The following RIC1 variants were observed in gnomAD, a reference collection of about 807,000 sequenced individuals.
The protein encoded by RIC1 is RIC1 partner of RAB6A GEF complex.
RIC1 carries 88 observed loss-of-function variants against 169.0 expected under a neutral mutation model. The observed-to-expected ratio is 0.52, with a 90% CI of 0.44 to 0.62. RIC1 has a LOEUF of 0.62. Among genes scored for constraint, RIC1 ranks in the 20% least tolerant of loss-of-function variants. The pLI is 0.00. For missense variants in RIC1, 1,877 were observed against 1,725.5 expected (o/e 1.09, Z -1.56); for synonymous variants, 790 against 601.5 (o/e 1.31, Z -4.59).
At position 5,687,748 on chromosome 9, in the gene RIC1, C is replaced by T. The variant is rs150165749; in HGVS notation, c.253-2211C>T. Among the ~76,000 whole-genome samples, 399 of 152,150 alleles carry T rather than the reference C, an allele frequency of 2.6e-3. 5 individuals carry two copies. Among genetic ancestry groups the T allele is most frequent in the African/African-American group, 9.0e-3 (372 of 41,510 alleles). On this transcript the variant is annotated intron_variant, in intron 2 of 25. Transcript: ENST00000414202. ...CACTGCTATTATTCTTGTTTTAAAG[C>T]CTGTTATCTTTTAAAGAAATTTAAG...
chr9:5,697,350 A>G (rs905639331), intron 3 of RIC1, among the ~76,000 whole-genome samples: 2 of 152,184 alleles, frequency 1.3e-5, no homozygotes, highest in African/African-American at 4.8e-5. Context: ...CCCTCATGAT[A>G]TCAGTCCTGT....
At chr9:5,695,526 G>C (rs898274977) in intron 3 of RIC1, among the ~76,000 whole-genome samples, 17 of 147,932 alleles carry the variant, frequency 1.1e-4, no homozygotes, top group African/African-American at 3.7e-4. Flanking sequence ...AATGACACTA[G>C]TTCAGTTTAG....
chr9:5,720,495 T>C (rs1823519942), intron 5 of RIC1, 119 bp from the exon 6 acceptor site: 4 of 1,189,910 alleles, frequency 3.4e-6, no homozygotes, highest in African/African-American at 3.1e-5. Flanking sequence ...AGTTTAATTA[T>C]TTAGGGTTGT....
Position 5,720,335 on chromosome 9 carries a change from T to G in RIC1, c.583+11T>G, listed in dbSNP as rs772464216. ...TGCAGTCATCTAGAGGTAGCTATACTTTCTACATGAGGTTGAACCAGTTGT... is the reference window on the plus strand; with the variant it reads ...TGCAGTCATCTAGAGGTAGCTATACGTTCTACATGAGGTTGAACCAGTTGT... On this transcript the variant is annotated intron_variant, in intron 5 of 25. Transcript: ENST00000414202. 1.0e-5 allele frequency: 16 copies of G among 1,607,118 alleles called. No individual in the cohort carries two copies. Among genetic ancestry groups the G allele is most frequent in the Non-Finnish European group, 1.4e-5 (16 of 1,176,738 alleles).
At chr9:5,737,004 G>C (rs957903311) in intron 7 of RIC1, among the ~76,000 whole-genome samples, 2 of 151,442 alleles carry the variant, frequency 1.3e-5, no homozygotes, top group Non-Finnish European at 2.9e-5. Flanking sequence ...AAAACAATCT[G>C]GTAGTCATAA....
At chr9:5,706,339 G>T (rs1236631973) in intron 3 of RIC1, among the ~76,000 whole-genome samples, 1 of 152,046 alleles carries the variant, frequency 6.6e-6, no homozygotes, top group East Asian at 1.9e-4. Flanking sequence ...GTAATCCCAG[G>T]TACTCGGGAG....
chr9:5,673,054 G>C (rs549051494), intron 2 of RIC1, among the ~76,000 whole-genome samples: 1 of 152,170 alleles, frequency 6.6e-6, no homozygotes, highest in Non-Finnish European at 1.5e-5. Flanking sequence ...AACAGGACAA[G>C]CAAGTGGACA....
rs1172522726 is a variant in RIC1, at chr9:5,695,352, C to T, written c.332+5314C>T. Among the ~76,000 whole-genome samples the T allele has an allele frequency of 2.6e-5, 4 of 152,068 alleles. No homozygotes were observed. The East Asian group carries it at 5.8e-4, about 22-fold the overall frequency. ...CAGTCTGATTTTTAGGTAACTGAATCCTGGGAAAGTCAAGAGCGCACCCGC... is the reference window on the plus strand; with the variant it reads ...CAGTCTGATTTTTAGGTAACTGAATTCTGGGAAAGTCAAGAGCGCACCCGC... On this transcript the variant is annotated intron_variant, in intron 3 of 25. Coordinates refer to ENST00000414202, the MANE Select transcript of RIC1 (RefSeq NM_020829.4).
At chr9:5,711,294 C>G (rs957577488) in intron 3 of RIC1, among the ~76,000 whole-genome samples, 6 of 152,146 alleles carry the variant, frequency 3.9e-5, no homozygotes, top group African/African-American at 1.2e-4. Flanking sequence ...ACATCCCCCT[C>G]TCCCCATGCA....
intron 6 of RIC1, among the ~76,000 whole-genome samples, chr9:5,723,355 C>G (rs1823734436): frequency 6.6e-6 from 1 of 152,132 alleles, no homozygotes; most frequent in African/African-American, 2.4e-5. Flanking sequence ...TAAATGTCTT[C>G]TTTTGAGAAG....
intron 17 of RIC1, among the ~76,000 whole-genome samples, chr9:5,758,722 C>CTTTTTTTTTTTTTTTTTTTTTTCCT (rs754931692): frequency 1.0e-5 from 1 of 98,426 alleles, no homozygotes; most frequent in Admixed American, 1.0e-4. Context: ...GGTCTCCCTT[C>CTTTTTTTTTTTTTTTTTTTTTTCCT]TTTTTTTTTT....
chr9:5,678,617 C>A (rs1820603886), intron 2 of RIC1, among the ~76,000 whole-genome samples: 1 of 152,068 alleles, frequency 6.6e-6, no homozygotes, highest in Non-Finnish European at 1.5e-5. Flanking sequence ...AGCATTTTTT[C>A]ATGTGTTTTT....
intron 3 of RIC1, among the ~76,000 whole-genome samples, chr9:5,708,453 G>T (rs1397025714): frequency 6.6e-6 from 1 of 152,042 alleles, no homozygotes; most frequent in East Asian, 1.9e-4. Flanking sequence ...ATTTCTGGTA[G>T]TTCAGGTCTA....
intron 6 of RIC1, among the ~76,000 whole-genome samples, chr9:5,721,335 T>C (rs1214055582): frequency 1.3e-5 from 2 of 152,144 alleles, no homozygotes; most frequent in Non-Finnish European, 2.9e-5. Context: ...GCAGACATAC[T>C]GAAAGGTGAG....
chr9:5,746,288 A>T (rs566664772), intron 11 of RIC1, among the ~76,000 whole-genome samples: 1 of 152,084 alleles, frequency 6.6e-6, no homozygotes, highest in Admixed American at 6.5e-5. Flanking sequence ...TTATTTTTTT[A>T]AAAGGGTCAT....
chr9:5,760,366 T>C (rs557310725), intron 17 of RIC1, among the ~76,000 whole-genome samples: 18 of 152,326 alleles, frequency 1.2e-4, no homozygotes, highest in African/African-American at 4.1e-4. Context: ...AAGTGTTGAA[T>C]ACTAAGATAG....
intron 21 of RIC1, among the ~76,000 whole-genome samples, chr9:5,766,364 C>G (rs1826754205): frequency 6.6e-6 from 1 of 152,026 alleles, no homozygotes; most frequent in South Asian, 2.1e-4. Context: ...TTTTTTTTCC[C>G]ATAAGTTACT....
intron 6 of RIC1, 58 bp downstream of exon 6, chr9:5,720,808 T>A (rs937718621): frequency 7.3e-7 from 1 of 1,378,234 alleles, no homozygotes; most frequent in Non-Finnish European, 9.8e-7. Context: ...TTATTCTTTG[T>A]TATCAAATTC....
intron 1 of RIC1, among the ~76,000 whole-genome samples, chr9:5,654,371 C>T (rs542996582): frequency 3.9e-5 from 6 of 151,954 alleles, no homozygotes; most frequent in East Asian, 3.9e-4. Context: ...CACATTCTCC[C>T]GAGTAGCTGG....
Sources: allele counts gnomAD v4.1 joint callset (sites outside exome capture counted in the v4.1 genomes callset), GRCh38; gene constraint gnomAD v4.1.1; transcripts MANE v1.5; gene names NCBI Gene and HGNC (gene_info 2026-07-23, HGNC 2026-07-21).